The following ARHGAP10 variants were observed in gnomAD, a reference collection of about 807,000 sequenced individuals.
The protein encoded by ARHGAP10 is rho GTPase-activating protein 10.
ARHGAP10 carries 87 observed loss-of-function variants against 108.6 expected under a neutral mutation model. The observed-to-expected ratio is 0.80, with a 90% CI of 0.67 to 0.96. ARHGAP10 has a LOEUF of 0.96. Among genes scored for constraint, ARHGAP10 ranks in the 40% least tolerant of loss-of-function variants. The pLI, the probability that ARHGAP10 is intolerant of heterozygous loss-of-function variation, is 0.00. For missense variants in ARHGAP10, 939 were observed against 954.5 expected, an observed-to-expected ratio of 0.98 and a Z score of 0.21; for synonymous variants, 347 against 341.1, an observed-to-expected ratio of 1.02 and a Z score of -0.19.
chr4:147,758,363 T>C (rs893921796), intron 1 of ARHGAP10, among the ~76,000 whole-genome samples: 1 of 152,220 alleles, frequency 6.6e-6, no homozygotes, highest in African/African-American at 2.4e-5. Flanking sequence ...CTTATTGAGA[T>C]ATAATTCACA....
intron 7 of ARHGAP10, among the ~76,000 whole-genome samples, chr4:147,873,681 A>AAAACACACACACACACACACAC (rs749604498): frequency 2.0e-5 from 2 of 98,720 alleles, no homozygotes; most frequent in African/African-American, 7.2e-5. Flanking sequence ...CAAAAAACAA[A>AAAACACACACACACACACACAC]ACACACACAC....
chr4:147,732,396 CCAA>C lies in ARHGAP10; in HGVS notation c.99_101del (p.Asn33del). 1 of 1,613,392 alleles carries C rather than the reference CCAA, an allele frequency of 6.2e-7. No individual in the cohort carries two copies. Among genetic ancestry groups the C allele is most frequent in the Non-Finnish European group, 8.5e-7 (1 of 1,179,636 alleles). On this transcript the variant is annotated inframe_deletion, in exon 1 of 23. Coordinates refer to ENST00000336498, the MANE Select transcript of ARHGAP10 (RefSeq NM_024605.4). ...GCTCACGAAGCGGAACTCGAGAGGA[CCAA>C]CAAGTTCATCAAAGAGCTCATTAAG...
chr4:147,862,280 TCAGGCGC>T (rs1734352411), intron 5 of ARHGAP10: 1 of 152,640 alleles, frequency 6.6e-6, no homozygotes, highest in South Asian at 2.1e-4. Context: ...CCACACTGCA[TCAGGCGC>T]CGGGAGCCGG....
At chr4:148,071,622 AAAAC>A (rs960660675) in intron 22 of ARHGAP10, among the ~76,000 whole-genome samples, 8 of 127,368 alleles carry the variant, frequency 6.3e-5, no homozygotes, top group African/African-American at 2.1e-4. Context: ...TCTCAGGAAG[AAAAC>A]AAACAAACAA....
At chr4:148,016,280 G>C (rs74318231) in intron 18 of ARHGAP10, among the ~76,000 whole-genome samples, 2,704 of 152,138 alleles carry the variant, frequency 0.018, 75 homozygotes, top group African/African-American at 0.063. Flanking sequence ...GGGGTGGGAG[G>C]GTCACTTGAG....
chr4:148,057,474 G>C (rs1008484148), intron 20 of ARHGAP10, among the ~76,000 whole-genome samples: 1 of 152,202 alleles, frequency 6.6e-6, no homozygotes, highest in African/African-American at 2.4e-5. Flanking sequence ...ACCTTTCTGA[G>C]ATGGTCTTCT....
chr4:148,037,447 T>C (rs1728430094), intron 19 of ARHGAP10, among the ~76,000 whole-genome samples: 1 of 152,180 alleles, frequency 6.6e-6, no homozygotes, highest in South Asian at 2.1e-4. Context: ...ATGTCTCTTT[T>C]TGCAGGGAGT....
At chr4:147,900,846 C>CAT (rs1560817237) in intron 10 of ARHGAP10, among the ~76,000 whole-genome samples, 3 of 130,436 alleles carry the variant, frequency 2.3e-5, no homozygotes, top group African/African-American at 5.0e-5. Context: ...AACAACAACA[C>CAT]GCCTTGAGAC....
intron 18 of ARHGAP10, among the ~76,000 whole-genome samples, chr4:147,997,271 C>T (rs1255915252): frequency 6.6e-6 from 1 of 152,146 alleles, no homozygotes; most frequent in Non-Finnish European, 1.5e-5. Flanking sequence ...GTAAACTGTA[C>T]ATCAATAATC....
chr4:147,831,941 A>T (rs182604590), intron 3 of ARHGAP10, among the ~76,000 whole-genome samples: 25 of 152,280 alleles, frequency 1.6e-4, no homozygotes, highest in Admixed American at 5.2e-4. Context: ...ACTCATTATC[A>T]TCTGTGGCCT....
At chr4:147,833,771 TG>T (rs1390497063) in intron 3 of ARHGAP10, among the ~76,000 whole-genome samples, 11 of 152,106 alleles carry the variant, frequency 7.2e-5, no homozygotes, top group Non-Finnish European at 1.6e-4. Flanking sequence ...AATAATGGAG[TG>T]TTTTACAGTT....
chr4:147,960,050 C>T (rs1488966764), intron 16 of ARHGAP10, among the ~76,000 whole-genome samples: 1 of 152,166 alleles, frequency 6.6e-6, no homozygotes, highest in East Asian at 1.9e-4. Context: ...TGCAGAGTCT[C>T]TGCTTTAAGT....
At chr4:147,833,879 C>T (rs1011237709) in intron 3 of ARHGAP10, among the ~76,000 whole-genome samples, 17 of 152,034 alleles carry the variant, frequency 1.1e-4, no homozygotes, top group African/African-American at 3.6e-4. Context: ...AATATGGTTT[C>T]GAAGCTGTGG....
intron 10 of ARHGAP10, among the ~76,000 whole-genome samples, chr4:147,883,233 G>A (rs35695401): frequency 0.081 from 12,346 of 152,252 alleles, 562 homozygotes; most frequent in Non-Finnish European, 0.11. Flanking sequence ...GAAAGAGAAT[G>A]TCAGTGAAAA....
At chr4:147,761,098 C>T (rs1218451297) in intron 1 of ARHGAP10, among the ~76,000 whole-genome samples, 1 of 151,132 alleles carries the variant, frequency 6.6e-6, no homozygotes, top group Non-Finnish European at 1.5e-5. Context: ...CCCACTGCTG[C>T]GTCCACCTTC....
intron 1 of ARHGAP10, among the ~76,000 whole-genome samples, chr4:147,734,658 A>C (rs1336874841): frequency 6.6e-6 from 1 of 152,146 alleles, no homozygotes; most frequent in Non-Finnish European, 1.5e-5. Context: ...GCTATAGGAA[A>C]ATTGAGCAGG....
At chr4:147,868,539 G>A (rs1287583710) in intron 7 of ARHGAP10, among the ~76,000 whole-genome samples, 2 of 152,154 alleles carry the variant, frequency 1.3e-5, no homozygotes, top group Admixed American at 1.3e-4. Context: ...CCTGGCTGAT[G>A]TTGAGATTAT....
At chr4:147,815,749 C>T (rs1732215595) in intron 1 of ARHGAP10, among the ~76,000 whole-genome samples, 1 of 152,022 alleles carries the variant, frequency 6.6e-6, no homozygotes, top group Non-Finnish European at 1.5e-5. Context: ...GCCTGTAGTC[C>T]CAGCTACTCA....
At chr4:147,844,175 T>A (rs1455461885) in intron 3 of ARHGAP10, among the ~76,000 whole-genome samples, 2 of 152,284 alleles carry the variant, frequency 1.3e-5, no homozygotes, top group Non-Finnish European at 2.9e-5. Context: ...CTTTATTTTT[T>A]ATTTTTAAAT....
Sources: gnomAD v4.1 joint callset for allele counts (sites outside exome capture counted in the v4.1 genomes callset) on GRCh38, gnomAD v4.1.1 for gene constraint, MANE v1.5 for transcripts, NCBI Gene and HGNC (gene_info 2026-07-23, HGNC 2026-07-21) for gene names.